The following MACROD2 variants were observed in gnomAD, a reference collection of about 807,000 sequenced individuals.
The protein encoded by MACROD2 is ADP-ribose glycohydrolase MACROD2.
In MACROD2, 36 loss-of-function variants were observed where a neutral mutation model predicts 70.4. The observed-to-expected ratio is 0.51, with a 90% confidence interval of 0.39 to 0.68. MACROD2 has a LOEUF of 0.68. Among genes scored for constraint, MACROD2 ranks in the 30% least tolerant of loss-of-function variants. The probability of loss-of-function intolerance (pLI) is 0.00; values close to 1 mark genes in which losing one functional copy is unlikely to be tolerated. For synonymous variants in MACROD2, 172 were observed against 178.8 expected, an observed-to-expected ratio of 0.96 and a Z score of 0.30; for missense variants, 496 against 538.4, an observed-to-expected ratio of 0.92 and a Z score of 0.78.
At chr20:15,352,455 T>C (rs949610535) in intron 6 of MACROD2, among the ~76,000 whole-genome samples, 1 of 152,172 alleles carries the variant, frequency 6.6e-6, no homozygotes, top group East Asian at 1.9e-4. Context: ...ATATATATAT[T>C]CCAAAGATAT....
At chr20:15,380,279 G>A (rs750210116) in intron 6 of MACROD2, among the ~76,000 whole-genome samples, 9 of 151,886 alleles carry the variant, frequency 5.9e-5, no homozygotes, top group Non-Finnish European at 1.0e-4. Flanking sequence ...TTTTAGTTGG[G>A]AAATATTATT....
rs893694386 is a variant in MACROD2 at position 14,013,422 on chromosome 20, G to A, written c.163+11018G>A. Among the ~76,000 whole-genome samples, 3 of 151,738 alleles carry A rather than the reference G, an allele frequency of 2.0e-5. No homozygotes were observed. In the South Asian group the frequency reaches 6.3e-4, roughly 32 times the overall value. On this transcript the variant is annotated intron_variant, in intron 2 of 17. Coordinates refer to ENST00000684519, the MANE Select transcript of MACROD2 (RefSeq NM_001351661.2). ...CGAGTAGCTAGGACTACAGGTGCCCGCCACCATGCCCGGCTAATTTTTTGT... is the reference window on the plus strand; with the variant it reads ...CGAGTAGCTAGGACTACAGGTGCCCACCACCATGCCCGGCTAATTTTTTGT...
chr20:15,200,749 T>G (rs1464229496), intron 5 of MACROD2, among the ~76,000 whole-genome samples: 2 of 152,216 alleles, frequency 1.3e-5, no homozygotes, highest in African/African-American at 2.4e-5. Flanking sequence ...ACAGATACAA[T>G]CAGAGCAGCC....
intron 7 of MACROD2, among the ~76,000 whole-genome samples, chr20:15,458,715 C>A (rs2046767485): frequency 6.7e-6 from 1 of 149,784 alleles, no homozygotes; most frequent in Non-Finnish European, 1.5e-5. Context: ...TGGTGATATT[C>A]ATTTAGTTCT....
chr20:15,994,354 G>T (rs1418436144), intron 15 of MACROD2, among the ~76,000 whole-genome samples: 1 of 152,152 alleles, frequency 6.6e-6, no homozygotes, highest in East Asian at 1.9e-4. Context: ...GCTTATTAAA[G>T]TAAGACACAA....
intron 5 of MACROD2, among the ~76,000 whole-genome samples, chr20:14,875,453 CT>C (rs1248889747): frequency 1.3e-5 from 2 of 152,050 alleles, no homozygotes; most frequent in East Asian, 3.9e-4. Flanking sequence ...CTCAAAGTTC[CT>C]CTTACTGGAA....
At chr20:15,416,390 C>T (rs2046149360) in intron 6 of MACROD2, among the ~76,000 whole-genome samples, 1 of 152,162 alleles carries the variant, frequency 6.6e-6, no homozygotes, top group Non-Finnish European at 1.5e-5. Flanking sequence ...ATAAAGTGTG[C>T]ATTAGCCTTG....
chr20:15,405,610 A>T (rs2045989750), intron 6 of MACROD2, among the ~76,000 whole-genome samples: 1 of 152,006 alleles, frequency 6.6e-6, no homozygotes, highest in Admixed American at 6.6e-5. Context: ...CACCATGGGG[A>T]CTTTGCACTT....
intron 3 of MACROD2, among the ~76,000 whole-genome samples, chr20:14,300,454 T>C (rs959564417): frequency 6.6e-6 from 1 of 152,192 alleles, no homozygotes; most frequent in Admixed American, 6.5e-5. Flanking sequence ...AACAAAGCTC[T>C]TGGGTTTTTG....
At chr20:14,705,612 G>A (rs1342332049) in intron 5 of MACROD2, among the ~76,000 whole-genome samples, 1 of 152,156 alleles carries the variant, frequency 6.6e-6, no homozygotes, top group East Asian at 1.9e-4. Context: ...GTAATATAAA[G>A]ACATACTCTC....
At chr20:15,976,996 A>T (rs372115864) in intron 13 of MACROD2, among the ~76,000 whole-genome samples, 2 of 152,164 alleles carry the variant, frequency 1.3e-5, no homozygotes, top group Non-Finnish European at 2.9e-5. Flanking sequence ...GCTCTATTAA[A>T]TGGGGACCTG....
At chr20:14,774,122 C>G (rs950042522) in intron 5 of MACROD2, among the ~76,000 whole-genome samples, 8 of 151,928 alleles carry the variant, frequency 5.3e-5, no homozygotes, top group African/African-American at 1.9e-4. Context: ...AGAGGAATAG[C>G]CTTTAAAGAC....
rs138447687 is a variant in MACROD2, at chr20:15,972,608, G to A, written c.985+4978G>A. 9.3e-3 allele frequency among the ~76,000 whole-genome samples: 1,422 copies of A among 152,190 alleles called. 21 individuals are homozygous for A. Among genetic ancestry groups the A allele is most frequent in the African/African-American group, 0.032 (1,315 of 41,544 alleles). ...GCAGATCACTTGAGGTCAGGAGTTC[G>A]AGACCAGCCTGGCCAACATGGTGAA... On this transcript the variant is annotated intron_variant, in intron 13 of 17. Transcript: ENST00000684519.
intron 8 of MACROD2, among the ~76,000 whole-genome samples, chr20:15,768,933 T>A (rs2051574557): frequency 6.6e-6 from 1 of 152,208 alleles, no homozygotes. Flanking sequence ...CCTCCACATC[T>A]TGTCTCACTG....
intron 5 of MACROD2, among the ~76,000 whole-genome samples, chr20:15,162,916 T>A (rs2076358369): frequency 6.6e-6 from 1 of 152,060 alleles, no homozygotes; most frequent in African/African-American, 2.4e-5. Flanking sequence ...TAAATAAACA[T>A]GACTGTATAA....
In MACROD2 at chr20:15,021,261, C is replaced by CGTGTGTGTATA. The variant is rs2075178786; in HGVS notation, c.419-208679_419-208678insGTGTGTGTATA. On this transcript the variant is annotated intron_variant, in intron 5 of 17. Coordinates refer to ENST00000684519, the MANE Select transcript of MACROD2 (RefSeq NM_001351661.2). ...ACACCTGTGTGTATGTATACACACA[C>CGTGTGTGTATA]CTGTGTGTGTGTATACGCACACCTG... Among the ~76,000 whole-genome samples, 25 of 28,644 alleles carry CGTGTGTGTATA rather than the reference C, an allele frequency of 8.7e-4. 3 individuals carry two copies. The highest frequency in any genetic ancestry group is 6.4e-3 in the Admixed American group (19 of 2,962). 18.8% of individuals were successfully genotyped at this position (28,644 alleles called of 152,430 possible).
chr20:15,161,041 G>C (rs991314255), intron 5 of MACROD2, among the ~76,000 whole-genome samples: 22 of 152,196 alleles, frequency 1.4e-4, no homozygotes, highest in African/African-American at 5.3e-4. Flanking sequence ...GGTGTAAGGA[G>C]CAGTAGAAGT....
chr20:15,995,671 A>ATTTTTTTTTTTTTTTTT (rs2066620884), intron 15 of MACROD2, among the ~76,000 whole-genome samples: 2 of 41,052 alleles, frequency 4.9e-5, no homozygotes, highest in Non-Finnish European at 1.1e-4. Context: ...TTTTTTTTTA[A>ATTTTTTTTTTTTTTTTT]CTTTTTAAGA....
intron 5 of MACROD2, among the ~76,000 whole-genome samples, chr20:14,886,702 G>T (rs1045957642): frequency 6.6e-6 from 1 of 152,146 alleles, no homozygotes; most frequent in Admixed American, 6.5e-5. Context: ...TGATTGCATT[G>T]AAATAATGAG....
Sources: allele counts gnomAD v4.1 joint callset (sites outside exome capture counted in the v4.1 genomes callset), GRCh38; gene constraint gnomAD v4.1.1; transcripts MANE v1.5; gene names NCBI Gene and HGNC (gene_info 2026-07-23, HGNC 2026-07-21).